The following TSHZ2 variants were observed in gnomAD, a reference collection of about 807,000 sequenced individuals.
TSHZ2 encodes the protein teashirt zinc finger homeobox 2.
In TSHZ2, 21 loss-of-function variants were observed where a neutral mutation model predicts 74.4. The observed-to-expected ratio is 0.28, with a 90% CI of 0.20 to 0.41. TSHZ2 has a LOEUF of 0.41. Ranked by LOEUF, TSHZ2 falls within the 10% of genes least tolerant of loss-of-function variation. The pLI is 1.00. For synonymous variants in TSHZ2, 540 were observed against 515.3 expected, an observed-to-expected ratio of 1.05 and a Z score of -0.65; for missense variants, 1,244 against 1,293.5, an observed-to-expected ratio of 0.96 and a Z score of 0.59.
At chr20:53,076,359 G>A (rs1041603417) in intron 1 of TSHZ2, among the ~76,000 whole-genome samples, 1 of 152,340 alleles carries the variant, frequency 6.6e-6, no homozygotes, top group African/African-American at 2.4e-5. Flanking sequence ...AGTCACCAAA[G>A]TGTGATTTAA....
intron 1 of TSHZ2, among the ~76,000 whole-genome samples, chr20:53,083,663 TTAAC>T (rs746182029): frequency 2.6e-5 from 4 of 152,244 alleles, no homozygotes; most frequent in Non-Finnish European, 4.4e-5. Flanking sequence ...TGCAAATTAT[TTAAC>T]TAATTGAAGT....
At chr20:53,062,851 C>T (rs1984865130) in intron 1 of TSHZ2, among the ~76,000 whole-genome samples, 1 of 152,170 alleles carries the variant, frequency 6.6e-6, no homozygotes. Flanking sequence ...TTCAACATGG[C>T]CTTCCCAACT....
At position 53,256,146 on chromosome 20, in the gene TSHZ2, C is replaced by T; in HGVS notation, c.2688C>T (p.Ile896=). The part of the protein sequence containing the change: ...SKFTGLSMTT[I]SHWLANVKYQ... Reference sequence around the variant, plus strand: ...TTACGGGACTCTCAATGACCACTATCAGTCACTGGCTGGCCAACGTCAAGT... The same window carrying T: ...TTACGGGACTCTCAATGACCACTATTAGTCACTGGCTGGCCAACGTCAAGT... Residue 896 remains isoleucine (I), a synonymous_variant, in exon 2 of 3, where the codon ATC becomes ATT. Coordinates refer to ENST00000371497, the MANE Select transcript of TSHZ2 (RefSeq NM_173485.6). This position sits in a 1 kb window ranked among gnomAD's most constrained non-coding sequence, Gnocchi z 4.3. The T allele has an allele frequency of 6.2e-7, 1 of 1,613,570 alleles. No individual in the cohort carries two copies. The highest frequency in any genetic ancestry group is 8.5e-7 in the Non-Finnish European group (1 of 1,179,586).
chr20:53,255,676 C>T lies in TSHZ2; in HGVS notation c.2218C>T (p.Pro740Ser), dbSNP rs1377696400. Residue 740 changes from proline to serine, a missense_variant, in exon 2 of 3, where the codon CCG becomes TCG. Transcript: ENST00000371497. The surrounding 1 kb of genome is among the most constrained non-coding windows in gnomAD (Gnocchi z 4.1). ...GTCGAATCTCAATGTCATGGACAAG[C>T]CGGTCTTGAGTCCTGCCTCCACAAG... is the stretch of plus-strand genomic sequence containing the variant. ...HKSNLNVMDK[P>S]VLSPASTRSA... is the part of the protein sequence containing the mutation. 1.9e-6 allele frequency: 3 copies of T among 1,585,080 alleles called. No individual in the cohort carries two copies. The highest frequency in any genetic ancestry group is 1.4e-5 in the African/African-American group (1 of 73,980).
At chr20:53,106,593 A>G (rs1305123137) in intron 1 of TSHZ2, among the ~76,000 whole-genome samples, 2 of 148,108 alleles carry the variant, frequency 1.4e-5, no homozygotes, top group Admixed American at 6.8e-5. Context: ...TTTAGTAGAG[A>G]TGGGGTTTCA....
chr20:53,088,930 T>C (rs966639593), intron 1 of TSHZ2, among the ~76,000 whole-genome samples: 1 of 152,144 alleles, frequency 6.6e-6, no homozygotes, highest in Non-Finnish European at 1.5e-5. Context: ...GTTCCAAGGA[T>C]AGCAATTAGG....
chr20:53,319,366 C>T (rs938596558), intron 2 of TSHZ2, among the ~76,000 whole-genome samples: 1 of 152,204 alleles, frequency 6.6e-6, no homozygotes, highest in East Asian at 1.9e-4. Context: ...TCACAAGAAA[C>T]CTTTAAGTTA....
chr20:53,127,896 T>C (rs12481599), intron 1 of TSHZ2, among the ~76,000 whole-genome samples: 30,084 of 152,152 alleles, frequency 0.2, 3,471 homozygotes, highest in Non-Finnish European at 0.26. Flanking sequence ...CAGGGTGCCC[T>C]GCTGCCTCAA....
intron 2 of TSHZ2, among the ~76,000 whole-genome samples, chr20:53,294,497 C>G (rs186437862): frequency 6.6e-5 from 10 of 151,898 alleles, no homozygotes; most frequent in Non-Finnish European, 1.5e-4. Context: ...GAGAGAGAGA[C>G]AGAGAGTATT....
chr20:53,012,902 G>C (rs1256435360), intron 1 of TSHZ2, among the ~76,000 whole-genome samples: 1 of 152,060 alleles, frequency 6.6e-6, no homozygotes, highest in Non-Finnish European at 1.5e-5. Flanking sequence ...ACGACCAAAT[G>C]CTGGGGAAAT....
intron 2 of TSHZ2, among the ~76,000 whole-genome samples, chr20:53,459,030 A>G (rs1251766581): frequency 7.9e-5 from 12 of 152,162 alleles, no homozygotes; most frequent in Admixed American, 5.9e-4. Flanking sequence ...TGAAAAAAAT[A>G]TATATTCTGT....
chr20:53,019,751 G>A (rs531526032), intron 1 of TSHZ2, among the ~76,000 whole-genome samples: 20 of 152,224 alleles, frequency 1.3e-4, no homozygotes, highest in East Asian at 3.9e-4. Context: ...CAATCTACTC[G>A]TAGAATTGTT....
intron 2 of TSHZ2, among the ~76,000 whole-genome samples, chr20:53,310,208 C>A (rs1978721129): frequency 1.3e-5 from 2 of 152,158 alleles, no homozygotes; most frequent in Non-Finnish European, 2.9e-5. Context: ...AATGAAGAAA[C>A]AGAAGTTGTA....
At chr20:53,161,134 A>AAAAAAAAAAT (rs1987926853) in intron 1 of TSHZ2, among the ~76,000 whole-genome samples, 1 of 145,614 alleles carries the variant, frequency 6.9e-6, no homozygotes, top group Non-Finnish European at 1.5e-5. Context: ...TTTCAGCAAA[A>AAAAAAAAAAT]AAAAAAAAAA....
intron 2 of TSHZ2, among the ~76,000 whole-genome samples, chr20:53,360,095 T>G (rs1377244119): frequency 1.3e-5 from 2 of 152,190 alleles, no homozygotes; most frequent in Non-Finnish European, 2.9e-5. Context: ...TGATGCCCAT[T>G]TCATAGCCCT....
intron 1 of TSHZ2, among the ~76,000 whole-genome samples, chr20:53,052,997 C>T (rs571889729): frequency 1.3e-5 from 2 of 152,230 alleles, no homozygotes; most frequent in East Asian, 1.9e-4. Context: ...ATCTTCATCA[C>T]CCCAAAAAGA....
chr20:53,331,107 C>T lies in TSHZ2; in HGVS notation c.*8+74536C>T, dbSNP rs77560639. 9.8e-3 allele frequency among the ~76,000 whole-genome samples: 1,497 copies of T among 152,222 alleles called. 22 individuals carry two copies. The highest frequency in any genetic ancestry group is 0.034 in the African/African-American group (1,432 of 41,524). ...CGGGATTTGGATGTACTAATGTTTG[C>T]TTGTGTTGAGTGAGGCTGGGCTAAT... On this transcript the variant is annotated intron_variant, in intron 2 of 2. Transcript: ENST00000371497.
intron 1 of TSHZ2, among the ~76,000 whole-genome samples, chr20:53,066,254 C>A (rs1984981789): frequency 6.7e-6 from 1 of 149,188 alleles, no homozygotes; most frequent in African/African-American, 2.5e-5. Flanking sequence ...TCCCTCCGAC[C>A]CCCGACTCCA....
intron 2 of TSHZ2, among the ~76,000 whole-genome samples, chr20:53,298,985 A>G (rs191017394): frequency 2.5e-4 from 38 of 152,266 alleles, no homozygotes; most frequent in Non-Finnish European, 4.9e-4. Flanking sequence ...TTTGGAGCTT[A>G]TAGATGAGAC....
Sources: allele counts gnomAD v4.1 joint callset (sites outside exome capture counted in the v4.1 genomes callset), GRCh38; gene constraint gnomAD v4.1.1; non-coding constraint Gnocchi (gnomAD v3.1); transcripts MANE v1.5; gene names NCBI Gene and HGNC (gene_info 2026-07-23, HGNC 2026-07-21).